The following HAUS8 variants were observed in gnomAD, a reference collection of about 807,000 sequenced individuals.
The protein encoded by HAUS8 is HAUS augmin like complex subunit 8.
Under a neutral mutation model 42.9 loss-of-function variants are expected in HAUS8, and 38 were observed. The ratio of observed to expected loss-of-function variants is 0.89; its 90% CI spans 0.68 to 1.16. The LOEUF is 1.16. Among genes scored for constraint, HAUS8 ranks in the 50% most tolerant of loss-of-function variants. HAUS8 has a pLI of 0.00. For missense variants in HAUS8, 494 were observed against 511.6 expected (o/e 0.97, Z 0.33); for synonymous variants, 199 against 205.8 (o/e 0.97, Z 0.28).
chr19:17,060,758 T>C (rs980493891), intron 4 of HAUS8, among the ~76,000 whole-genome samples: 2 of 152,206 alleles, frequency 1.3e-5, no homozygotes, highest in African/African-American at 4.8e-5. Context: ...TCATCCTCCC[T>C]GGGAGTTCCC....
chr19:17,068,933 G>T, intron 3 of HAUS8, 98 bp downstream of exon 3: 1 of 1,052,134 alleles, frequency 9.5e-7, no homozygotes, highest in African/African-American at 1.6e-5. Context: ...CTTCCTTCAG[G>T]ACCAGGTTGT....
At chr19:17,075,024 A>G (rs2123394630) in intron 1 of HAUS8, 1 of 308,828 alleles carries the variant, frequency 3.2e-6, no homozygotes, top group African/African-American at 2.1e-5. Context: ...GATAATTCCA[A>G]GAGCGACATC....
At chr19:17,055,746 C>G (rs1443270389) in intron 9 of HAUS8, 115 bp downstream of exon 9, 11 of 1,164,534 alleles carry the variant, frequency 9.4e-6, no homozygotes, top group Non-Finnish European at 2.4e-6. Context: ...TCCCCATCCT[C>G]TGCCTTAGTT....
intron 10 of HAUS8, chr19:17,051,783 C>T (rs1470916870): frequency 1.3e-5 from 2 of 151,662 alleles, no homozygotes; most frequent in African/African-American, 4.8e-5. Context: ...ATTCTCCCAC[C>T]TCTGCTTCCT....
chr19:17,069,675 T>C (rs1360455734), intron 2 of HAUS8, among the ~76,000 whole-genome samples: 1 of 151,976 alleles, frequency 6.6e-6, no homozygotes, highest in Non-Finnish European at 1.5e-5. Context: ...ATGCCACCTG[T>C]CACCCCAGCT....
chr19:17,070,867 C>G (rs1030097455), intron 2 of HAUS8, among the ~76,000 whole-genome samples: 3 of 152,086 alleles, frequency 2.0e-5, no homozygotes, highest in Non-Finnish European at 2.9e-5. Flanking sequence ...GTCAGGAGTT[C>G]GCGATCAGCC....
chr19:17,054,805 A>C (rs2123361004), intron 9 of HAUS8, among the ~76,000 whole-genome samples: 1 of 151,838 alleles, frequency 6.6e-6, no homozygotes, highest in East Asian at 2.0e-4. Flanking sequence ...CCGTTTCAAA[A>C]ATAAATTAGC....
intron 3 of HAUS8, among the ~76,000 whole-genome samples, chr19:17,063,611 G>A (rs901535871): frequency 1.2e-4 from 19 of 152,184 alleles, no homozygotes; most frequent in African/African-American, 4.6e-4. Context: ...TTTTGGGTGT[G>A]TCTGTGAGGG....
rs1599978257 is a variant in HAUS8, at chr19:17,059,546, C to G, written c.420+11G>C. 2 of 1,599,686 alleles carry G rather than the reference C, an allele frequency of 1.3e-6. No individual in the cohort carries two copies. The highest frequency in any genetic ancestry group is 1.7e-6 in the Non-Finnish European group (2 of 1,167,494). ...CCCATCTGTGGCTGCCCTCTTCTTT[C>G]AGACACTTACCGGGCTCTTTTTCCG... On this transcript the variant is annotated intron_variant, in intron 6 of 10. Transcript: ENST00000253669.
Position 17,054,302 on chromosome 19 carries a change from G to C in HAUS8, c.788-1336C>G, listed in dbSNP as rs558684601. 3.9e-5 allele frequency among the ~76,000 whole-genome samples: 6 copies of C among 152,190 alleles called. No individual in the cohort carries two copies. In the South Asian group the frequency reaches 1.2e-3, roughly 32 times the overall value. On this transcript the variant is annotated intron_variant, in intron 9 of 10. Coordinates refer to ENST00000253669, the MANE Select transcript of HAUS8 (RefSeq NM_033417.2). ...GTTCCCAGGAACTACCTAAGGAACT[G>C]AGCAGAGACTGAGTGTTTTCTAAGA...
rs150919816 is a variant in HAUS8, at chr19:17,061,933, A to C, written c.229+765T>G. On this transcript the variant is annotated intron_variant, in intron 4 of 10. Transcript: ENST00000253669. Reference sequence around the variant, plus strand: ...CTGGCTCTAGTGTGCCTGCTTCTCAACCACGCCTGGGAAGGGCATAGCGCG... The same window carrying C: ...CTGGCTCTAGTGTGCCTGCTTCTCACCCACGCCTGGGAAGGGCATAGCGCG... Among the ~76,000 whole-genome samples the C allele has an allele frequency of 4.4e-3, 665 of 152,290 alleles. 4 individuals are homozygous for C. Among genetic ancestry groups the C allele is most frequent in the Non-Finnish European group, 7.0e-3 (477 of 68,018 alleles).
chr19:17,054,276 C>T (rs146775285), intron 9 of HAUS8, among the ~76,000 whole-genome samples: 58 of 152,202 alleles, frequency 3.8e-4, no homozygotes, highest in African/African-American at 1.3e-3. Context: ...ATCCCTAGGC[C>T]GTTCCCAGGA....
At chr19:17,066,565 T>C (rs550697008) in intron 3 of HAUS8, among the ~76,000 whole-genome samples, 1 of 152,218 alleles carries the variant, frequency 6.6e-6, no homozygotes, top group African/African-American at 2.4e-5. Flanking sequence ...TCTTGGAGAC[T>C]GAGCCCTCAC....
rs781528712 is a variant in HAUS8, at chr19:17,049,989, C to T, written c.1117G>A (p.Gly373Ser). 1.2e-5 allele frequency: 20 copies of T among 1,601,756 alleles called. No individual in the cohort carries two copies. Among genetic ancestry groups the T allele is most frequent in the Non-Finnish European group, 1.7e-5 (20 of 1,174,550 alleles). ...GCCTGAGCGGGGGCTGACGAGGCAC[C>T]CGGGTTGTCGTCCTCAGACAGGGGC... Reference protein sequence around the residue: ...NTPLSEDDNPGASSAPAQATF... With the variant: ...NTPLSEDDNPSASSAPAQATF... The change falls in exon 11 of 11, where the codon GGT becomes AGT. Residue 373 changes from glycine (G) to serine (S), a missense_variant. Physicochemically the swap from Gly to Ser is moderately conservative, Grantham distance 56. Transcript: ENST00000253669.
intron 3 of HAUS8, among the ~76,000 whole-genome samples, chr19:17,067,330 G>A (rs954851638): frequency 6.6e-6 from 1 of 152,112 alleles, no homozygotes; most frequent in Non-Finnish European, 1.5e-5. Context: ...CCACAGATAT[G>A]ACCTTCTAAA....
Position 17,073,304 on chromosome 19 carries a change from TG to T in HAUS8, c.60del (p.Ser20ArgfsTer15). ...ACTCTTTTATCCTTCTTCTTGGCAC[TG>T]CTAGAATTTGTGGGGCCGGTTGCAG... ...GKPATGPTNS[S>X]SAKKKDKRVQ... On this transcript the variant is annotated frameshift_variant, in exon 2 of 11. Transcript: ENST00000253669. LOFTEE classifies it high-confidence loss of function. 6.2e-7 allele frequency: 1 copy of T among 1,614,092 alleles called. No individual in the cohort carries two copies. Among genetic ancestry groups the T allele is most frequent in the South Asian group, 1.1e-5 (1 of 91,086 alleles).
chr19:17,060,501 C>T (rs1337955281), intron 4 of HAUS8, among the ~76,000 whole-genome samples: 7 of 152,158 alleles, frequency 4.6e-5, no homozygotes, highest in South Asian at 4.1e-4. Flanking sequence ...CTCCACCTCC[C>T]GGGTTCAAGT....
At chr19:17,057,020 T>C (rs112694862) in intron 8 of HAUS8, among the ~76,000 whole-genome samples, 11,372 of 152,276 alleles carry the variant, frequency 0.075, 525 homozygotes, top group South Asian at 0.091. Flanking sequence ...GCTGGGACTA[T>C]AGGCATATGC....
rs2057324725 is a variant in HAUS8, at chr19:17,056,093, C to T, written c.646-91G>A. 2.5e-6 allele frequency: 3 copies of T among 1,216,706 alleles called. No homozygotes were observed. The African/African-American group carries it at 4.5e-5, about 18-fold the overall frequency. The allele number at this position is 1,216,706 out of a possible 1,614,324, so 75.4% of individuals were successfully genotyped here. A position where few individuals can be genotyped will look rare whatever the true frequency, so the allele number is the denominator to read the frequency against. ...TAACGGCTTGTGCAGGGTTAAGATA[C>T]AGCGCTGTTCTTCACCACCCCCCAG... On this transcript the variant is annotated intron_variant, in intron 8 of 10. Coordinates refer to ENST00000253669, the MANE Select transcript of HAUS8 (RefSeq NM_033417.2).
Sources: allele counts gnomAD v4.1 joint callset (sites outside exome capture counted in the v4.1 genomes callset), GRCh38; gene constraint gnomAD v4.1.1; transcripts MANE v1.5; gene names NCBI Gene and HGNC (gene_info 2026-07-23, HGNC 2026-07-21).